Variants in VPS13C observed in about 807,000 individuals in gnomAD.
VPS13C encodes the protein intermembrane lipid transfer protein VPS13C.
In VPS13C, 358 loss-of-function variants were observed where a neutral mutation model predicts 456.8. The ratio of observed to expected loss-of-function variants is 0.78; its 90% confidence interval spans 0.72 to 0.86. The LOEUF (loss-of-function observed/expected upper bound fraction) is 0.86, where lower values mean the gene tolerates loss of function less well. VPS13C is among the 40% of genes least tolerant of loss of function. The pLI, the probability that VPS13C is intolerant of heterozygous loss-of-function variation, is 0.00. For missense variants in VPS13C, 4,818 were observed against 4,385.4 expected, an observed-to-expected ratio of 1.10 and a Z score of -2.79; for synonymous variants, 1,578 against 1,486.7, an observed-to-expected ratio of 1.06 and a Z score of -1.41.
intron 14 of VPS13C, among the ~76,000 whole-genome samples, 166 bp from the exon 15 acceptor site, chr15:62,007,645 T>A (rs1439686345): frequency 2.0e-5 from 3 of 152,150 alleles, no homozygotes. Flanking sequence ...TTAAATAGAC[T>A]TAGATATAAG....
At chr15:61,918,043 G>A (rs2043528723) in intron 59 of VPS13C, 93 bp downstream of exon 59, 1 of 1,324,112 alleles carries the variant, frequency 7.6e-7, no homozygotes. Context: ...GGCTTTTACT[G>A]ATCTTTAGTT....
At chr15:61,857,348 A>T (rs1168849713) in intron 82 of VPS13C, among the ~76,000 whole-genome samples, 1 of 152,142 alleles carries the variant, frequency 6.6e-6, no homozygotes, top group African/African-American at 2.4e-5. Flanking sequence ...GTGACACAGG[A>T]GTTGATTCTT....
intron 3 of VPS13C, among the ~76,000 whole-genome samples, chr15:62,040,397 T>A (rs551290378): frequency 6.6e-6 from 1 of 152,158 alleles, no homozygotes; most frequent in Non-Finnish European, 1.5e-5. Context: ...TTTGAGGTGA[T>A]AGAAACCTCA....
chr15:61,952,893 CTT>C (rs1025500218), intron 38 of VPS13C, among the ~76,000 whole-genome samples: 1 of 144,582 alleles, frequency 6.9e-6, no homozygotes, highest in African/African-American at 2.5e-5. Context: ...AAAAAAAAAT[CTT>C]TTTTTTTTTG....
intron 45 of VPS13C, 137 bp from the exon 46 acceptor site, chr15:61,942,204 G>A (rs139496925): frequency 1.3e-5 from 10 of 746,954 alleles, no homozygotes; most frequent in Non-Finnish European, 1.8e-5. Flanking sequence ...TATGTAGAGA[G>A]TGAAGTCTAG....
chr15:61,946,820 T>TTGC (rs943655139), intron 43 of VPS13C, among the ~76,000 whole-genome samples: 1 of 152,066 alleles, frequency 6.6e-6, no homozygotes, highest in African/African-American at 2.4e-5. Context: ...TTAAAAACTG[T>TTGC]TGCTCCAATA....
At chr15:61,865,593 T>C in intron 81 of VPS13C, 1 of 621,624 alleles carries the variant, frequency 1.6e-6, no homozygotes, top group East Asian at 1.4e-4. Flanking sequence ...TATATGTGTG[T>C]GTATATATGT....
At chr15:61,983,798 GT>G (rs778632557) in intron 20 of VPS13C, 21 bp downstream of exon 20, 8 of 1,607,722 alleles carry the variant, frequency 5.0e-6, no homozygotes, top group Non-Finnish European at 5.9e-6. Flanking sequence ...TAAATAAAGA[GT>G]TACTTTCTCC....
intron 77 of VPS13C, among the ~76,000 whole-genome samples, chr15:61,873,843 T>G (rs1895213058): frequency 6.6e-6 from 1 of 151,774 alleles, no homozygotes; most frequent in Non-Finnish European, 1.5e-5. Flanking sequence ...AGAAAAGAAA[T>G]GAGTATATCA....
intron 66 of VPS13C, among the ~76,000 whole-genome samples, chr15:61,900,497 C>T (rs2042963891): frequency 6.6e-6 from 1 of 152,174 alleles, no homozygotes; most frequent in Admixed American, 6.5e-5. Context: ...CATGAGTGAA[C>T]TCCCATTCAC....
chr15:61,979,676 C>T (rs1039460668), intron 22 of VPS13C, among the ~76,000 whole-genome samples: 1 of 152,174 alleles, frequency 6.6e-6, no homozygotes, highest in Non-Finnish European at 1.5e-5. Context: ...CGATGATTAA[C>T]AGCAGAAACA....
chr15:62,053,627 T>C (rs757617727), intron 1 of VPS13C, among the ~76,000 whole-genome samples: 1 of 152,218 alleles, frequency 6.6e-6, no homozygotes, highest in Non-Finnish European at 1.5e-5. Context: ...AGAGATGACC[T>C]TGTCTAACCT....
At chr15:61,909,570 T>C (rs1414595225) in intron 64 of VPS13C, among the ~76,000 whole-genome samples, 1 of 152,226 alleles carries the variant, frequency 6.6e-6, no homozygotes, top group African/African-American at 2.4e-5. Flanking sequence ...TATGTTGGCA[T>C]TATATATTGA....
intron 47 of VPS13C, 35 bp from the exon 48 acceptor site, chr15:61,936,785 A>G: frequency 6.4e-7 from 1 of 1,561,550 alleles, no homozygotes; most frequent in Non-Finnish European, 8.6e-7. Flanking sequence ...ACTCTAAGTA[A>G]TAAAAAAAAT....
intron 44 of VPS13C, 73 bp from the exon 45 acceptor site, chr15:61,945,955 T>C: frequency 7.9e-7 from 1 of 1,261,684 alleles, no homozygotes; most frequent in Non-Finnish European, 1.0e-6. Flanking sequence ...TATAAATAAG[T>C]TCTCGTATTA....
rs2045884445 is a variant in VPS13C at position 61,981,457 on chromosome 15, G to C, written c.2051C>G (p.Thr684Ser). Residue 684 changes from threonine (T) to serine (S), a missense_variant, in exon 22 of 85, where the codon ACT becomes AGT. This residue lies in a region of VPS13C where 4,552 missense variants were observed against 4,130.6 expected (regional missense o/e 1.10). Coordinates refer to ENST00000644861, the MANE Select transcript of VPS13C (RefSeq NM_020821.3). Reference sequence around the variant, plus strand: ...TATCCTTAAATCAAGGACTTTTCGAGTTTCAATAATATGTGTAAGTCCTAA... The same window carrying C: ...TATCCTTAAATCAAGGACTTTTCGACTTTCAATAATATGTGTAAGTCCTAA... The part of the protein sequence containing the change: ...TATGLTHIIE[T>S]RKVLDLRINL... 3 of 1,609,054 alleles carry C rather than the reference G, an allele frequency of 1.9e-6. No homozygotes were observed. The highest frequency in any genetic ancestry group is 2.5e-6 in the Non-Finnish European group (3 of 1,178,344).
At chr15:61,965,948 T>C in intron 30 of VPS13C, 135 bp downstream of exon 30, 1 of 517,752 alleles carries the variant, frequency 1.9e-6, no homozygotes, top group Non-Finnish European at 3.3e-6. Context: ...TAAGTATCGA[T>C]GAGGTTATTT....
intron 66 of VPS13C, among the ~76,000 whole-genome samples, chr15:61,896,065 G>A (rs527785444): frequency 6.3e-4 from 96 of 152,156 alleles, no homozygotes; most frequent in Admixed American, 2.8e-3. Context: ...TCATAAGTAC[G>A]TACAATTGTG....
chr15:61,870,441 T>C (rs1244323697), intron 79 of VPS13C, among the ~76,000 whole-genome samples: 1 of 152,238 alleles, frequency 6.6e-6, no homozygotes, highest in Non-Finnish European at 1.5e-5. Context: ...TTCATCCATT[T>C]TGTAACAAGT....
Sources: gnomAD v4.1 joint callset for allele counts (sites outside exome capture counted in the v4.1 genomes callset) on GRCh38, gnomAD v4.1.1 for gene constraint, gnomAD v4.1.1 regional missense constraint, MANE v1.5 for transcripts, NCBI Gene and HGNC (gene_info 2026-07-23, HGNC 2026-07-21) for gene names.